NRG1: variants seen among roughly 807,000 people sequenced by gnomAD.
NRG1 encodes the protein neuregulin 1.
NRG1 carries 18 observed loss-of-function variants against 63.8 expected under a neutral mutation model. The observed-to-expected ratio is 0.28, with a 90% CI of 0.19 to 0.42. The LOEUF (loss-of-function observed/expected upper bound fraction) is 0.42. Ranked by LOEUF, NRG1 falls within the 10% of genes least tolerant of loss-of-function variation. NRG1 has a pLI of 1.00. For synonymous variants in NRG1, 302 were observed against 301.3 expected (o/e 1.00, Z -0.02); for missense variants, 762 against 814.7 (o/e 0.94, Z 0.79).
intron 5 of NRG1, among the ~76,000 whole-genome samples, chr8:32,703,719 A>G (rs1023662757): frequency 1.3e-5 from 2 of 152,206 alleles, no homozygotes; most frequent in Admixed American, 1.3e-4. Flanking sequence ...AAAGCATTAG[A>G]TATAAAAATG....
chr8:32,042,075 G>T (rs1283353514), intron 1 of NRG1, among the ~76,000 whole-genome samples: 4 of 152,148 alleles, frequency 2.6e-5, no homozygotes, highest in African/African-American at 9.7e-5. Context: ...GAGAAAGCTG[G>T]TCAGAACTTG....
At chr8:32,525,607 C>A (rs756727496) in intron 1 of NRG1, among the ~76,000 whole-genome samples, 1 of 152,180 alleles carries the variant, frequency 6.6e-6, no homozygotes, top group Non-Finnish European at 1.5e-5. Flanking sequence ...TTAATCTCTT[C>A]AGAGACTAAA....
intron 1 of NRG1, among the ~76,000 whole-genome samples, chr8:32,419,162 G>T (rs911401023): frequency 1.3e-5 from 2 of 152,164 alleles, no homozygotes; most frequent in South Asian, 2.1e-4. Flanking sequence ...ATATACAAAC[G>T]CTAAATAATG....
chr8:31,648,122 C>CTTT, intron 1 of NRG1, among the ~76,000 whole-genome samples: 1 of 95,212 alleles, frequency 1.1e-5, no homozygotes, highest in Non-Finnish European at 2.0e-5. Context: ...AATTTGACTA[C>CTTT]TCTTTTTTTT....
Position 32,589,765 on chromosome 8 carries a change from T to C in NRG1, c.101-6063T>C, listed in dbSNP as rs188902606. Among the ~76,000 whole-genome samples the C allele has an allele frequency of 9.5e-4, 144 of 152,330 alleles. 1 individual carries two copies. Among genetic ancestry groups the C allele is most frequent in the Non-Finnish European group, 4.3e-4 (29 of 68,030 alleles). On this transcript the variant is annotated intron_variant, in intron 1 of 11. Transcript: ENST00000356819. ...ATATTCGATATAGCTGCACGAATAA[T>C]ATTTGAAAAATAAGGGCACAGTAGA... is the stretch of plus-strand genomic sequence containing the variant.
intron 5 of NRG1, among the ~76,000 whole-genome samples, chr8:32,631,984 A>C (rs59663963): frequency 0.067 from 10,253 of 152,214 alleles, 1,095 homozygotes; most frequent in East Asian, 0.52. Flanking sequence ...CAAATTATTC[A>C]ATTTGTAATG....
chr8:32,716,640 T>C (rs2128994059), intron 5 of NRG1, among the ~76,000 whole-genome samples: 1 of 152,314 alleles, frequency 6.6e-6, no homozygotes, highest in African/African-American at 2.4e-5. Flanking sequence ...TGTCTGACGA[T>C]GCAGGAATTT....
intron 1 of NRG1, among the ~76,000 whole-genome samples, chr8:32,355,268 G>C (rs1806216501): frequency 1.3e-5 from 2 of 152,136 alleles, no homozygotes; most frequent in South Asian, 4.1e-4. Context: ...AAACCAGCCT[G>C]GGCAACGTGA....
chr8:31,728,504 T>C (rs1318963328), intron 1 of NRG1, among the ~76,000 whole-genome samples: 1 of 152,186 alleles, frequency 6.6e-6, no homozygotes, highest in Non-Finnish European at 1.5e-5. Context: ...TTTAAACTTT[T>C]GGCTCAAATA....
At chr8:32,075,394 C>G (rs1180252165) in intron 1 of NRG1, among the ~76,000 whole-genome samples, 1 of 151,928 alleles carries the variant, frequency 6.6e-6, no homozygotes, top group Non-Finnish European at 1.5e-5. Context: ...AACAAGTAAA[C>G]AAAACGTTTT....
At chr8:31,972,024 C>T (rs1169406490) in intron 1 of NRG1, among the ~76,000 whole-genome samples, 1 of 152,180 alleles carries the variant, frequency 6.6e-6, no homozygotes, top group Non-Finnish European at 1.5e-5. Context: ...AAGTCACACT[C>T]CCCCTTTCTC....
intron 1 of NRG1, among the ~76,000 whole-genome samples, chr8:31,838,685 T>C (rs1360684961): frequency 2.0e-5 from 3 of 152,190 alleles, no homozygotes; most frequent in Admixed American, 6.5e-5. Flanking sequence ...TTGTTCTTTT[T>C]TATGTCTTCA....
At chr8:31,639,848 C>T in intron 1 of NRG1, 1 of 1,141,054 alleles carries the variant, frequency 8.8e-7, no homozygotes, top group South Asian at 3.9e-5. Flanking sequence ...CCCTGCACCC[C>T]CAATAAATAA....
intron 1 of NRG1, among the ~76,000 whole-genome samples, chr8:31,688,614 G>A (rs753648263): frequency 3.3e-5 from 5 of 152,070 alleles, no homozygotes; most frequent in Admixed American, 1.3e-4. Flanking sequence ...CCAGTTTGCC[G>A]ACTATACACA....
intron 5 of NRG1, chr8:32,722,131 CG>C (rs1820820117): frequency 9.1e-6 from 10 of 1,102,764 alleles, no homozygotes; most frequent in Non-Finnish European, 1.3e-5. Context: ...AAGCAAATGG[CG>C]TAGAGTTATT....
At chr8:31,887,725 G>A (rs1281924935) in intron 1 of NRG1, among the ~76,000 whole-genome samples, 1 of 152,056 alleles carries the variant, frequency 6.6e-6, no homozygotes, top group African/African-American at 2.4e-5. Flanking sequence ...GATCTTTAAT[G>A]ATAGGAGTCA....
chr8:32,698,927 A>C (rs906138790), intron 5 of NRG1, among the ~76,000 whole-genome samples: 1 of 152,228 alleles, frequency 6.6e-6, no homozygotes, highest in African/African-American at 2.4e-5. Flanking sequence ...TCACCTAGAT[A>C]GACTAAGGGA....
intron 1 of NRG1, among the ~76,000 whole-genome samples, chr8:32,525,482 T>C (rs1830745065): frequency 1.3e-5 from 2 of 151,556 alleles, no homozygotes; most frequent in East Asian, 3.9e-4. Flanking sequence ...GATAGGAAGA[T>C]AGAAGTCATC....
chr8:32,386,467 G>C (rs373207922), intron 1 of NRG1, among the ~76,000 whole-genome samples: 1 of 152,154 alleles, frequency 6.6e-6, no homozygotes, highest in Non-Finnish European at 1.5e-5. Flanking sequence ...ATGGTGCCTT[G>C]AGATGGAGAT....
Sources: gnomAD v4.1 joint callset for allele counts (sites outside exome capture counted in the v4.1 genomes callset) on GRCh38, gnomAD v4.1.1 for gene constraint, MANE v1.5 for transcripts, NCBI Gene and HGNC (gene_info 2026-07-23, HGNC 2026-07-21) for gene names.